PRKCB: variants seen among roughly 807,000 people sequenced by gnomAD.
PRKCB encodes protein kinase C beta type.
A neutral mutation model predicts 81.5 loss-of-function variants in PRKCB; 13 were observed. That is an observed-to-expected ratio of 0.16 (90% CI 0.10 to 0.25). The LOEUF is 0.25. Among genes scored for constraint, PRKCB ranks in the 10% least tolerant of loss-of-function variants. The pLI, the probability that PRKCB is intolerant of heterozygous loss-of-function variation, is 1.00. For missense variants in PRKCB, 509 were observed against 875.7 expected, an observed-to-expected ratio of 0.58 and a Z score of 5.29; for synonymous variants, 335 against 321.4, an observed-to-expected ratio of 1.04 and a Z score of -0.45.
intron 2 of PRKCB, chr16:23,963,329 C>T (rs971951471): frequency 1.4e-4 from 22 of 152,200 alleles, no homozygotes; most frequent in Admixed American, 1.3e-3. Flanking sequence ...GTGCCTGGAA[C>T]ACGGTAAGCG....
intron 2 of PRKCB, among the ~76,000 whole-genome samples, chr16:23,872,480 C>T (rs889280344): frequency 6.6e-6 from 1 of 152,082 alleles, no homozygotes; most frequent in African/African-American, 2.4e-5. Context: ...ATGATTGTGC[C>T]ACTGCACTCC....
At chr16:23,898,740 A>T (rs1038129509) in intron 2 of PRKCB, among the ~76,000 whole-genome samples, 4 of 152,172 alleles carry the variant, frequency 2.6e-5, no homozygotes, top group Admixed American at 1.3e-4. Context: ...GGAGGTAAAA[A>T]TACATAACAA....
chr16:24,159,357 C>A (rs1052865476), intron 10 of PRKCB, among the ~76,000 whole-genome samples: 5 of 152,174 alleles, frequency 3.3e-5, no homozygotes, highest in Non-Finnish European at 7.3e-5. Flanking sequence ...TTTGTTAGTA[C>A]ATCATGTTGA....
intron 2 of PRKCB, among the ~76,000 whole-genome samples, chr16:23,871,492 A>G (rs994080609): frequency 1.3e-5 from 2 of 151,352 alleles, no homozygotes; most frequent in African/African-American, 4.9e-5. Context: ...CCTTCCCATC[A>G]TTTTCATTTT....
intron 2 of PRKCB, among the ~76,000 whole-genome samples, chr16:23,872,555 A>C (rs1385289514): frequency 3.3e-5 from 5 of 152,028 alleles, no homozygotes; most frequent in African/African-American, 1.2e-4. Context: ...ATAAAAGTTA[A>C]ATATAAGGTC....
chr16:23,889,233 A>T (rs1243927309), intron 2 of PRKCB, among the ~76,000 whole-genome samples: 4 of 152,122 alleles, frequency 2.6e-5, no homozygotes, highest in Non-Finnish European at 5.9e-5. Context: ...TATCCTGCTT[A>T]GGTTTGAATC....
rs192384650 is a variant in PRKCB at position 24,187,392 on chromosome 16, A to T, written c.1722+1825A>T. 4.8e-3 allele frequency among the ~76,000 whole-genome samples: 728 copies of T among 152,336 alleles called. 3 individuals carry two copies. Among genetic ancestry groups the T allele is most frequent in the Middle Eastern group, 0.037 (11 of 294 alleles). On this transcript the variant is annotated intron_variant, in intron 15 of 16. Transcript: ENST00000643927. ...TGACGGCATCTGCAGATTGGGGATAATAATAGCACTCCACATTGGGTTCTT... is the reference window on the plus strand; with the variant it reads ...TGACGGCATCTGCAGATTGGGGATATTAATAGCACTCCACATTGGGTTCTT...
chr16:24,080,227 G>C (rs566417182), intron 5 of PRKCB, among the ~76,000 whole-genome samples: 2 of 152,268 alleles, frequency 1.3e-5, no homozygotes, highest in Non-Finnish European at 2.9e-5. Flanking sequence ...AGCAGCTGCT[G>C]TTTATGAATC....
In PRKCB at chr16:24,041,653, AT is replaced by A. The variant is rs569618499; in HGVS notation, c.529+6109del. Among the ~76,000 whole-genome samples the A allele has an allele frequency of 6.0e-3, 906 of 152,202 alleles. 6 individuals carry two copies. Among genetic ancestry groups the A allele is most frequent in the Non-Finnish European group, 0.01 (711 of 68,024 alleles). ...CCTTAGGTACTCCCAATATTGTGAT[AT>A]TTAAATCCTTCTTAAGATCTGACAT... On this transcript the variant is annotated intron_variant, in intron 5 of 16. Coordinates refer to ENST00000643927, the MANE Select transcript of PRKCB (RefSeq NM_002738.7).
At chr16:24,014,199 C>T (rs1331505632) in intron 3 of PRKCB, among the ~76,000 whole-genome samples, 1 of 151,660 alleles carries the variant, frequency 6.6e-6, no homozygotes, top group South Asian at 2.1e-4. Context: ...CTTGCATTTA[C>T]GGGACCCCCC....
intron 3 of PRKCB, among the ~76,000 whole-genome samples, chr16:23,998,400 C>T (rs935743867): frequency 6.6e-6 from 1 of 152,030 alleles, no homozygotes; most frequent in African/African-American, 2.4e-5. Flanking sequence ...ATACATTGTG[C>T]CTACACCGTA....
At chr16:23,915,980 C>T (rs1963731329) in intron 2 of PRKCB, among the ~76,000 whole-genome samples, 1 of 152,118 alleles carries the variant, frequency 6.6e-6, no homozygotes, top group Non-Finnish European at 1.5e-5. Flanking sequence ...GCTTTTTACC[C>T]TACCTCACAA....
intron 10 of PRKCB, among the ~76,000 whole-genome samples, chr16:24,160,789 T>C (rs192740679): frequency 1.1e-3 from 160 of 152,214 alleles, no homozygotes; most frequent in Middle Eastern, 3.4e-3. Context: ...AAGGAAGGTC[T>C]CTCTGATAAG....
intron 3 of PRKCB, among the ~76,000 whole-genome samples, chr16:24,005,582 C>T (rs1028076605): frequency 2.0e-5 from 3 of 152,204 alleles, no homozygotes; most frequent in African/African-American, 7.2e-5. Context: ...CCTCCATCCG[C>T]TGGGAGTCAG....
At chr16:23,941,763 A>G (rs1964143456) in intron 2 of PRKCB, among the ~76,000 whole-genome samples, 1 of 152,234 alleles carries the variant, frequency 6.6e-6, no homozygotes, top group Non-Finnish European at 1.5e-5. Flanking sequence ...GATGAAGACT[A>G]TATGTGGCCA....
At chr16:24,055,616 A>C (rs935380709) in intron 5 of PRKCB, among the ~76,000 whole-genome samples, 1 of 152,230 alleles carries the variant, frequency 6.6e-6, no homozygotes, top group Non-Finnish European at 1.5e-5. Flanking sequence ...CCACTGTCTT[A>C]GCCCGTTGTT....
chr16:24,147,551 A>G (rs1208843967), intron 9 of PRKCB, among the ~76,000 whole-genome samples: 1 of 152,184 alleles, frequency 6.6e-6, no homozygotes, highest in Non-Finnish European at 1.5e-5. Flanking sequence ...AAGAAATAGA[A>G]AAAGGAAATG....
intron 16 of PRKCB, among the ~76,000 whole-genome samples, chr16:24,212,951 T>C (rs198181): frequency 0.51 from 77,614 of 151,814 alleles, 20,491 homozygotes; most frequent in African/African-American, 0.64. Context: ...GTCTTCCCGC[T>C]GGCCCCTTCC....
At chr16:24,096,843 C>T (rs1698851373) in intron 7 of PRKCB, among the ~76,000 whole-genome samples, 1 of 151,270 alleles carries the variant, frequency 6.6e-6, no homozygotes, top group African/African-American at 2.4e-5. Flanking sequence ...GCTGCTATTA[C>T]TTCTTTAAGA....
Sources: allele counts gnomAD v4.1 joint callset (sites outside exome capture counted in the v4.1 genomes callset), GRCh38; gene constraint gnomAD v4.1.1; transcripts MANE v1.5; gene names NCBI Gene and HGNC (gene_info 2026-07-23, HGNC 2026-07-21).